The following MARCHF1 variants were observed in gnomAD, a reference collection of about 807,000 sequenced individuals.
MARCHF1 encodes the protein E3 ubiquitin-protein ligase MARCHF1.
Under a neutral mutation model 54.2 loss-of-function variants are expected in MARCHF1, and 40 were observed. That is an observed-to-expected ratio of 0.74 (90% CI 0.57 to 0.96). The LOEUF (loss-of-function observed/expected upper bound fraction) is 0.96, where lower values mean the gene tolerates loss of function less well. Ranked by LOEUF, MARCHF1 falls within the 40% of genes least tolerant of loss-of-function variation. The probability of loss-of-function intolerance (pLI) is 0.00; values close to 1 mark genes in which losing one functional copy is unlikely to be tolerated. For synonymous variants in MARCHF1, 236 were observed against 236.3 expected (o/e 1.00, Z 0.01); for missense variants, 586 against 656.5 (o/e 0.89, Z 1.17).
chr4:164,377,186 C>A (rs1247223116), intron 1 of MARCHF1, among the ~76,000 whole-genome samples: 1 of 106,606 alleles, frequency 9.4e-6, no homozygotes, highest in Non-Finnish European at 2.1e-5. Context: ...TAGTTCAATC[C>A]ATCCGTCACC....
At chr4:164,002,906 T>G (rs76448068) in intron 2 of MARCHF1, among the ~76,000 whole-genome samples, 2,458 of 152,026 alleles carry the variant, frequency 0.016, 55 homozygotes, top group African/African-American at 0.052. Flanking sequence ...GCCTGTCAGG[T>G]ATGAATTAAA....
chr4:163,807,850 T>C (rs781591924), intron 4 of MARCHF1, among the ~76,000 whole-genome samples: 3 of 152,062 alleles, frequency 2.0e-5, no homozygotes, highest in Non-Finnish European at 4.4e-5. Context: ...CTCTTATACG[T>C]TTCTGTTTTC....
intron 2 of MARCHF1, among the ~76,000 whole-genome samples, chr4:164,050,752 G>A (rs1297157204): frequency 6.6e-6 from 1 of 152,136 alleles, no homozygotes; most frequent in Non-Finnish European, 1.5e-5. Flanking sequence ...GACCAACATG[G>A]AGAAACCCTG....
chr4:164,010,062 CTTTTTTTTTTTTT>C (rs35143590), intron 2 of MARCHF1, among the ~76,000 whole-genome samples: 1 of 98,574 alleles, frequency 1.0e-5, no homozygotes, highest in Non-Finnish European at 2.0e-5. Context: ...TCAAAAAACT[CTTTTTTTTTTTTT>C]TTTTTTTTTT....
At chr4:164,151,624 C>T (rs1464558214) in intron 1 of MARCHF1, among the ~76,000 whole-genome samples, 1 of 152,090 alleles carries the variant, frequency 6.6e-6, no homozygotes, top group Non-Finnish European at 1.5e-5. Context: ...CATCATCTTC[C>T]CCAAGGGCTC....
intron 5 of MARCHF1, among the ~76,000 whole-genome samples, chr4:163,639,255 C>G (rs1257343688): frequency 2.0e-5 from 3 of 152,058 alleles, no homozygotes; most frequent in Admixed American, 2.0e-4. Flanking sequence ...ATAGCTGAAA[C>G]CATAATCCAT....
At chr4:164,340,435 A>ATATATATATATATATATATATATATATG (rs1729888427) in intron 1 of MARCHF1, among the ~76,000 whole-genome samples, 2 of 136,340 alleles carry the variant, frequency 1.5e-5, no homozygotes, top group East Asian at 2.3e-4. Flanking sequence ...ATATATATAT[A>ATATATATATATATATATATATATATATG]GTTTGTTTGT....
At chr4:163,804,011 T>C (rs1748156840) in intron 4 of MARCHF1, among the ~76,000 whole-genome samples, 1 of 152,208 alleles carries the variant, frequency 6.6e-6, no homozygotes, top group Non-Finnish European at 1.5e-5. Flanking sequence ...CTTTCTTTTC[T>C]AGACAAGTTA....
rs138238418 is a variant in MARCHF1 at position 164,328,985 on chromosome 4, T to C, written c.-323+54885A>G. 3.6e-3 allele frequency among the ~76,000 whole-genome samples: 546 copies of C among 152,336 alleles called. 5 individuals are homozygous for C. Among genetic ancestry groups the C allele is most frequent in the African/African-American group, 0.013 (524 of 41,578 alleles). ...ATTTTTTTCCTGGGAGAACCACTAA[T>C]ATATTCCAAATAGATCACCAACCTA... is the stretch of plus-strand genomic sequence containing the variant. On this transcript the variant is annotated intron_variant, in intron 1 of 9. Coordinates refer to ENST00000514618, the MANE Select transcript of MARCHF1 (RefSeq NM_001394959.1).
In MARCHF1 at chr4:163,676,199, A is replaced by AAC. The variant is rs1554003741; in HGVS notation, c.162+24613_162+24614insGT. 9.2e-4 allele frequency among the ~76,000 whole-genome samples: 137 copies of AAC among 149,004 alleles called. 1 individual carries two copies. The South Asian group carries it at 0.01, about 11-fold the overall frequency. Reference sequence around the variant, plus strand: ...TACTAAAAATACAAAAAAAAAAAAAAAAAAAAAATTAGCTGGGCGTGGTGG... The same window carrying AAC: ...TACTAAAAATACAAAAAAAAAAAAAAACAAAAAAAATTAGCTGGGCGTGGTGG... On this transcript the variant is annotated intron_variant, in intron 5 of 9. Transcript: ENST00000514618.
intron 5 of MARCHF1, among the ~76,000 whole-genome samples, chr4:163,624,735 T>C (rs1741810960): frequency 6.6e-6 from 1 of 152,252 alleles, no homozygotes; most frequent in Non-Finnish European, 1.5e-5. Context: ...GTCCTAGTTG[T>C]AGGTCTAGTG....
chr4:163,748,611 T>C (rs904080496), intron 4 of MARCHF1, among the ~76,000 whole-genome samples: 3 of 152,072 alleles, frequency 2.0e-5, no homozygotes. Flanking sequence ...AGACAGCATT[T>C]ATGTATGGAA....
intron 5 of MARCHF1, among the ~76,000 whole-genome samples, chr4:163,636,873 G>A (rs1404801769): frequency 6.6e-6 from 1 of 152,164 alleles, no homozygotes; most frequent in East Asian, 1.9e-4. Flanking sequence ...AACCAAAACA[G>A]CATGGTACTG....
chr4:163,602,062 C>G (rs1511780), intron 7 of MARCHF1, among the ~76,000 whole-genome samples: 1 of 151,800 alleles, frequency 6.6e-6, no homozygotes, highest in East Asian at 1.9e-4. Context: ...GAAAAGATAA[C>G]ATGCCATTTC....
At chr4:164,302,583 A>T (rs973504855) in intron 1 of MARCHF1, among the ~76,000 whole-genome samples, 1 of 152,200 alleles carries the variant, frequency 6.6e-6, no homozygotes, top group Admixed American at 6.5e-5. Context: ...ATTATATTAT[A>T]AAGAATAATT....
chr4:164,334,989 G>A (rs536355661), intron 1 of MARCHF1, among the ~76,000 whole-genome samples: 7 of 152,214 alleles, frequency 4.6e-5, no homozygotes, highest in South Asian at 2.1e-4. Context: ...CTGAATTACC[G>A]CAATCTGATG....
intron 3 of MARCHF1, among the ~76,000 whole-genome samples, chr4:163,907,335 GTTTGT>G (rs764169714): frequency 3.3e-5 from 5 of 151,904 alleles, no homozygotes; most frequent in African/African-American, 7.2e-5. Context: ...ATTTTGTCTT[GTTTGT>G]TTTAAGAAAA....
intron 3 of MARCHF1, among the ~76,000 whole-genome samples, chr4:163,903,504 C>T (rs1442894112): frequency 1.3e-5 from 2 of 152,134 alleles, no homozygotes; most frequent in Non-Finnish European, 2.9e-5. Flanking sequence ...AAATCTAAAG[C>T]TTCCAAATAC....
intron 2 of MARCHF1, among the ~76,000 whole-genome samples, chr4:164,012,769 C>A (rs1334306349): frequency 6.6e-6 from 1 of 152,020 alleles, no homozygotes; most frequent in African/African-American, 2.4e-5. Flanking sequence ...CTTATCTTAC[C>A]CAAGTTCACC....
Sources: allele counts gnomAD v4.1 joint callset (sites outside exome capture counted in the v4.1 genomes callset), GRCh38; gene constraint gnomAD v4.1.1; transcripts MANE v1.5; gene names NCBI Gene and HGNC (gene_info 2026-07-23, HGNC 2026-07-21).